The following HMGCLL1 variants were observed in gnomAD, a reference collection of about 807,000 sequenced individuals.
The protein encoded by HMGCLL1 is 3-hydroxymethyl-3-methylglutaryl-CoA lyase, cytoplasmic.
HMGCLL1 carries 36 observed loss-of-function variants against 39.1 expected under a neutral mutation model. The observed-to-expected ratio is 0.92, with a 90% confidence interval of 0.71 to 1.22. The LOEUF (loss-of-function observed/expected upper bound fraction) is 1.22, where lower values mean the gene tolerates loss of function less well. Ranked by LOEUF, HMGCLL1 falls within the 50% of genes most tolerant of loss-of-function variation. The pLI is 0.00. For synonymous variants in HMGCLL1, 149 were observed against 144.0 expected (o/e 1.03, Z -0.25); for missense variants, 451 against 416.5 (o/e 1.08, Z -0.72).
the HMGCLL1 span, among the ~76,000 whole-genome samples, chr6:55,614,499 T>C: frequency 6.6e-6 from 1 of 152,282 alleles, no homozygotes; most frequent in African/African-American, 2.4e-5. Context: ...CTATGGTATT[T>C]AGTTATAGCG....
chr6:55,624,915 G>A, the HMGCLL1 span, among the ~76,000 whole-genome samples: 2 of 152,028 alleles, frequency 1.3e-5, no homozygotes, highest in African/African-American at 4.8e-5. Flanking sequence ...GACCTGAAAG[G>A]CTGCCAATTT....
the HMGCLL1 span, among the ~76,000 whole-genome samples, chr6:55,650,112 TA>T: frequency 2.1e-4 from 16 of 76,864 alleles, no homozygotes; most frequent in East Asian, 5.5e-4. Flanking sequence ...TATATATATA[TA>T]TATATATATA....
the HMGCLL1 span, among the ~76,000 whole-genome samples, chr6:55,647,870 T>A: frequency 8.3e-6 from 1 of 120,692 alleles, no homozygotes; most frequent in Non-Finnish European, 1.7e-5. Context: ...CTGCACCCAC[T>A]AATGTGTCAT....
intron 7 of HMGCLL1, among the ~76,000 whole-genome samples, chr6:55,491,822 C>T (rs995384997): frequency 6.6e-6 from 1 of 152,050 alleles, no homozygotes; most frequent in African/African-American, 2.4e-5. Flanking sequence ...ATATCCCACA[C>T]TGGGATCGAC....
the HMGCLL1 span, among the ~76,000 whole-genome samples, chr6:55,588,202 G>A: frequency 6.6e-6 from 1 of 152,024 alleles, no homozygotes; most frequent in African/African-American, 2.4e-5. Context: ...ATAACAAACT[G>A]TCTCTCAGAC....
chr6:55,660,217 T>C, the HMGCLL1 span, among the ~76,000 whole-genome samples: 1 of 151,892 alleles, frequency 6.6e-6, no homozygotes, highest in Non-Finnish European at 1.5e-5. Flanking sequence ...ACAATCATTA[T>C]ATTTAACTTT....
the HMGCLL1 span, among the ~76,000 whole-genome samples, chr6:55,644,893 C>A: frequency 3.3e-3 from 506 of 151,856 alleles, 1 homozygote; most frequent in Middle Eastern, 6.8e-3. Context: ...TCTCCTGTGA[C>A]TCCACATATG....
At chr6:55,446,293 T>C (rs1442518832) in intron 7 of HMGCLL1, among the ~76,000 whole-genome samples, 2 of 148,224 alleles carry the variant, frequency 1.3e-5, no homozygotes, top group African/African-American at 2.4e-5. Context: ...ATTTAAATAT[T>C]TATAACATAC....
chr6:55,505,980 A>G (rs1767139929), intron 5 of HMGCLL1, among the ~76,000 whole-genome samples: 1 of 151,728 alleles, frequency 6.6e-6, no homozygotes, highest in African/African-American at 2.4e-5. Context: ...CATTTCACCA[A>G]TGGAAAACCT....
the HMGCLL1 span, among the ~76,000 whole-genome samples, chr6:55,586,398 T>G: frequency 3.5e-4 from 7 of 19,996 alleles, no homozygotes; most frequent in African/African-American, 8.6e-4. Context: ...TGGAAATCAG[T>G]TTTTTTTTTA....
intron 7 of HMGCLL1, among the ~76,000 whole-genome samples, chr6:55,484,650 T>A (rs1386038760): frequency 1.3e-5 from 2 of 152,134 alleles, no homozygotes; most frequent in Non-Finnish European, 2.9e-5. Context: ...TTGTGATCAT[T>A]TTCTTTCCCT....
At chr6:55,633,127 T>C in the HMGCLL1 span, among the ~76,000 whole-genome samples, 2 of 152,056 alleles carry the variant, frequency 1.3e-5, no homozygotes, top group African/African-American at 2.4e-5. Flanking sequence ...ATTCACTCAC[T>C]AGCAAGTGAC....
chr6:55,541,724 C>T lies in HMGCLL1; in HGVS notation c.297+5G>A. ...ATCTAATTAAGAAATTGTGGGTTTACATACCTGTGGTACCCATCTGGAAGA... is the reference window on the plus strand; with the variant it reads ...ATCTAATTAAGAAATTGTGGGTTTATATACCTGTGGTACCCATCTGGAAGA... On this transcript the variant is annotated splice_donor_5th_base_variant and intron_variant, in intron 3 of 8. Coordinates refer to ENST00000274901, the MANE Select transcript of HMGCLL1 (RefSeq NM_001042406.2). The T allele has an allele frequency of 6.7e-7, 1 of 1,484,708 alleles. No homozygotes were observed. The highest frequency in any genetic ancestry group is 9.2e-7 in the Non-Finnish European group (1 of 1,085,200). The allele number at this position is 1,484,708 out of a possible 1,614,324, so 92.0% of individuals were successfully genotyped here.
chr6:55,464,440 G>C (rs1764712262), intron 7 of HMGCLL1, among the ~76,000 whole-genome samples: 1 of 151,968 alleles, frequency 6.6e-6, no homozygotes, highest in Non-Finnish European at 1.5e-5. Flanking sequence ...TACATACATG[G>C]ATAACCACCT....
intron 1 of HMGCLL1, among the ~76,000 whole-genome samples, chr6:55,559,336 T>C (rs1025796173): frequency 5.9e-5 from 9 of 152,296 alleles, no homozygotes; most frequent in African/African-American, 2.2e-4. Context: ...GGAGCCTTCC[T>C]AGAGATTTGA....
At chr6:55,676,171 T>C in the HMGCLL1 span, among the ~76,000 whole-genome samples, 1 of 152,122 alleles carries the variant, frequency 6.6e-6, no homozygotes, top group African/African-American at 2.4e-5. Context: ...TTCAAACTTT[T>C]AATAACCATT....
intron 5 of HMGCLL1, among the ~76,000 whole-genome samples, chr6:55,500,966 A>C (rs1374763329): frequency 6.6e-6 from 1 of 151,958 alleles, no homozygotes; most frequent in Non-Finnish European, 1.5e-5. Flanking sequence ...ATGCAAAACA[A>C]AACAAACCTC....
the HMGCLL1 span, among the ~76,000 whole-genome samples, chr6:55,629,352 T>C: frequency 6.6e-6 from 1 of 152,144 alleles, no homozygotes; most frequent in Admixed American, 6.5e-5. Context: ...ATTTAGTATA[T>C]CTGGCAGAAG....
At chr6:55,487,079 TA>T (rs1766070176) in intron 7 of HMGCLL1, among the ~76,000 whole-genome samples, 1 of 152,100 alleles carries the variant, frequency 6.6e-6, no homozygotes, top group Admixed American at 6.6e-5. Flanking sequence ...GGTTTCAACA[TA>T]AACATTTTGG....
Sources: gnomAD v4.1 joint callset for allele counts (sites outside exome capture counted in the v4.1 genomes callset) on GRCh38, gnomAD v4.1.1 for gene constraint, MANE v1.5 for transcripts, NCBI Gene and HGNC (gene_info 2026-07-23, HGNC 2026-07-21) for gene names.